The following TBC1D22A variants were observed in gnomAD, a reference collection of about 807,000 sequenced individuals.
TBC1D22A encodes putative GTPase activator.
TBC1D22A carries 38 observed loss-of-function variants against 60.2 expected under a neutral mutation model. The ratio of observed to expected loss-of-function variants is 0.63; its 90% CI spans 0.49 to 0.83. The LOEUF is 0.83. TBC1D22A is among the 40% of genes least tolerant of loss of function. The pLI is 0.00. For synonymous variants in TBC1D22A, 302 were observed against 281.7 expected (o/e 1.07, Z -0.72); for missense variants, 628 against 701.0 (o/e 0.90, Z 1.18).
At position 47,035,211 on chromosome 22, in the gene TBC1D22A, C is replaced by G. The variant is rs540756316; in HGVS notation, c.1202-1860C>G. Among the ~76,000 whole-genome samples the G allele has an allele frequency of 7.9e-5, 12 of 152,344 alleles. No homozygotes were observed. In the East Asian group the frequency reaches 2.3e-3, roughly 29 times the overall value. On this transcript the variant is annotated intron_variant, in intron 10 of 12. Coordinates refer to ENST00000337137, the MANE Select transcript of TBC1D22A (RefSeq NM_014346.5). ...TGCTCTGCTGCCAGGGACCCCCACC[C>G]CCGCCTGCCTCCGGGGCCTGCCTGG...
intron 8 of TBC1D22A, among the ~76,000 whole-genome samples, chr22:46,958,255 AG>A (rs1356916157): frequency 1.3e-5 from 2 of 152,302 alleles, no homozygotes; most frequent in East Asian, 3.9e-4. Context: ...AGGTCCATTC[AG>A]TCCTCTATTT....
chr22:46,781,708 G>C (rs2083945087), intron 1 of TBC1D22A, among the ~76,000 whole-genome samples: 1 of 152,142 alleles, frequency 6.6e-6, no homozygotes, highest in African/African-American at 2.4e-5. Flanking sequence ...CCCCTCCCTG[G>C]CCTGCCCCGG....
At chr22:46,852,096 G>A (rs1434452170) in intron 4 of TBC1D22A, among the ~76,000 whole-genome samples, 1 of 152,216 alleles carries the variant, frequency 6.6e-6, no homozygotes, top group African/African-American at 2.4e-5. Context: ...GGTGGTTTCT[G>A]GGAGTCAGCC....
chr22:47,063,213 A>G (rs1044315984), intron 11 of TBC1D22A, among the ~76,000 whole-genome samples: 1 of 152,116 alleles, frequency 6.6e-6, no homozygotes, highest in African/African-American at 2.4e-5. Context: ...AGGGTTCCCA[A>G]TCTCATGGGA....
chr22:46,872,513 A>AT (rs2067339216), intron 4 of TBC1D22A, among the ~76,000 whole-genome samples: 2 of 152,242 alleles, frequency 1.3e-5, no homozygotes, highest in Non-Finnish European at 1.5e-5. Flanking sequence ...TGGACCAGAT[A>AT]TGTGAAACAA....
chr22:47,115,645 G>A (rs909842506), intron 12 of TBC1D22A, among the ~76,000 whole-genome samples: 33 of 152,310 alleles, frequency 2.2e-4, no homozygotes, highest in African/African-American at 7.0e-4. Context: ...GGCGAGCAGG[G>A]ACCCTGCTTT....
intron 1 of TBC1D22A, among the ~76,000 whole-genome samples, chr22:46,782,578 T>A (rs1277136305): frequency 6.6e-6 from 1 of 152,160 alleles, no homozygotes; most frequent in Non-Finnish European, 1.5e-5. Flanking sequence ...ATTACTACAG[T>A]CAGTTTTAGA....
intron 1 of TBC1D22A, among the ~76,000 whole-genome samples, chr22:46,766,971 A>G (rs2083310795): frequency 6.6e-6 from 1 of 152,166 alleles, no homozygotes; most frequent in Non-Finnish European, 1.5e-5. Context: ...GGTTTAGGAA[A>G]AGTATCTTTC....
intron 11 of TBC1D22A, among the ~76,000 whole-genome samples, chr22:47,040,423 C>T (rs2062802404): frequency 6.6e-6 from 1 of 152,170 alleles, no homozygotes; most frequent in African/African-American, 2.4e-5. Context: ...GATCCAAACC[C>T]TGCGTCAGCA....
At chr22:47,137,102 G>A (rs1329664711) in intron 12 of TBC1D22A, among the ~76,000 whole-genome samples, 4 of 152,288 alleles carry the variant, frequency 2.6e-5, no homozygotes, top group East Asian at 3.9e-4. Flanking sequence ...GTGCCGTCTC[G>A]TGATCCACTT....
At chr22:47,010,318 A>G (rs1365389268) in intron 10 of TBC1D22A, among the ~76,000 whole-genome samples, 1 of 151,920 alleles carries the variant, frequency 6.6e-6, no homozygotes, top group African/African-American at 2.4e-5. Flanking sequence ...AGGCCGGGGA[A>G]CAGGCAGCGT....
intron 11 of TBC1D22A, among the ~76,000 whole-genome samples, chr22:47,109,238 A>G (rs945729077): frequency 9.9e-5 from 15 of 152,220 alleles, no homozygotes; most frequent in African/African-American, 3.4e-4. Flanking sequence ...AAACACAGAA[A>G]ACAAAGATTG....
chr22:46,988,579 C>T (rs929647519), intron 9 of TBC1D22A, among the ~76,000 whole-genome samples: 1 of 152,232 alleles, frequency 6.6e-6, no homozygotes, highest in African/African-American at 2.4e-5. Flanking sequence ...GGACCAGGTG[C>T]ATTGTCCATG....
intron 11 of TBC1D22A, among the ~76,000 whole-genome samples, chr22:47,110,330 T>G (rs527837091): frequency 6.6e-6 from 1 of 151,872 alleles, no homozygotes; most frequent in East Asian, 1.9e-4. Flanking sequence ...AAATACAAAA[T>G]TAGCCAGGTG....
intron 4 of TBC1D22A, among the ~76,000 whole-genome samples, chr22:46,863,935 A>G (rs1337470059): frequency 6.6e-6 from 1 of 152,162 alleles, no homozygotes; most frequent in Non-Finnish European, 1.5e-5. Flanking sequence ...TCTCTAGCTC[A>G]GCATCTAGCA....
At chr22:47,147,055 C>T (rs977011085) in intron 12 of TBC1D22A, among the ~76,000 whole-genome samples, 5 of 152,210 alleles carry the variant, frequency 3.3e-5, no homozygotes, top group East Asian at 1.9e-4. Flanking sequence ...AGGGAAGGGC[C>T]GCTGCGCAGA....
chr22:46,775,986 G>A (rs1298492043), intron 1 of TBC1D22A, among the ~76,000 whole-genome samples: 1 of 152,244 alleles, frequency 6.6e-6, no homozygotes, highest in Non-Finnish European at 1.5e-5. Context: ...GCAAAGGTGA[G>A]CCTGGTGTTA....
chr22:47,083,360 C>G (rs2064550354), intron 11 of TBC1D22A, among the ~76,000 whole-genome samples: 1 of 151,574 alleles, frequency 6.6e-6, no homozygotes, highest in African/African-American at 2.4e-5. Flanking sequence ...CACACACACA[C>G]ACACACACAC....
At position 47,081,603 on chromosome 22, in the gene TBC1D22A, G is replaced by A. The variant is rs181055588; in HGVS notation, c.1330-29905G>A. Among the ~76,000 whole-genome samples, 597 of 152,206 alleles carry A rather than the reference G, an allele frequency of 3.9e-3. 5 individuals carry two copies. The highest frequency in any genetic ancestry group is 0.014 in the African/African-American group (570 of 41,522). Reference sequence around the variant, plus strand: ...AATTTAAGAATCTACCAGAAAAAGTGGATGCAGGATACAAGGTTAATACAG... The same window carrying A: ...AATTTAAGAATCTACCAGAAAAAGTAGATGCAGGATACAAGGTTAATACAG... On this transcript the variant is annotated intron_variant, in intron 11 of 12. Coordinates refer to ENST00000337137, the MANE Select transcript of TBC1D22A (RefSeq NM_014346.5).
Sources: gnomAD v4.1 joint callset for allele counts (sites outside exome capture counted in the v4.1 genomes callset) on GRCh38, gnomAD v4.1.1 for gene constraint, MANE v1.5 for transcripts, NCBI Gene and HGNC (gene_info 2026-07-23, HGNC 2026-07-21) for gene names.